The following CAMK4 variants were observed in gnomAD, a reference collection of about 807,000 sequenced individuals.
CAMK4 encodes calcium/calmodulin dependent protein kinase IV, also known as calcium/calmodulin-dependent protein kinase type IV.
CAMK4 carries 22 observed loss-of-function variants against 44.9 expected under a neutral mutation model. That is an observed-to-expected ratio of 0.49 (90% CI 0.35 to 0.70). The LOEUF is 0.70. Among genes scored for constraint, CAMK4 ranks in the 30% least tolerant of loss-of-function variants. The pLI is 0.01. For missense variants in CAMK4, 498 were observed against 586.8 expected (o/e 0.85, Z 1.56); for synonymous variants, 218 against 215.4 (o/e 1.01, Z -0.11).
At chr5:111,433,051 T>A (rs1049884503) in intron 5 of CAMK4, among the ~76,000 whole-genome samples, 19 of 152,180 alleles carry the variant, frequency 1.2e-4, no homozygotes, top group African/African-American at 4.3e-4. Context: ...TCATTTTGCT[T>A]ATGAGACTAG....
chr5:111,348,226 A>G lies in CAMK4; in HGVS notation c.240+4124A>G, dbSNP rs377474583. On this transcript the variant is annotated intron_variant, in intron 2 of 10. Transcript: ENST00000282356. ...TTAGTTTACACTAGCAATGAGACAT[A>G]TTTTTCCATAAAAAACCCTGAGCTT... Among the ~76,000 whole-genome samples the G allele has an allele frequency of 2.8e-4, 42 of 152,094 alleles. No individual in the cohort carries two copies. The South Asian group carries it at 5.6e-3, about 20-fold the overall frequency.
At chr5:111,266,015 T>C (rs1246287944) in intron 1 of CAMK4, 4 of 152,134 alleles carry the variant, frequency 2.6e-5, no homozygotes, top group African/African-American at 9.7e-5. Flanking sequence ...CGACCAACAT[T>C]AGCACAGCAT....
At chr5:111,477,439 C>G (rs1755285930) in intron 8 of CAMK4, among the ~76,000 whole-genome samples, 2 of 152,148 alleles carry the variant, frequency 1.3e-5, no homozygotes, top group African/African-American at 4.8e-5. Context: ...ATCCTCCCTC[C>G]CACCCTCATT....
chr5:111,425,597 A>G (rs1243970256), intron 5 of CAMK4, among the ~76,000 whole-genome samples: 1 of 152,226 alleles, frequency 6.6e-6, no homozygotes, highest in Non-Finnish European at 1.5e-5. Flanking sequence ...AAGTACCAGG[A>G]ATGATGAGAA....
intron 2 of CAMK4, among the ~76,000 whole-genome samples, chr5:111,351,792 C>T (rs1295806260): frequency 6.6e-6 from 1 of 152,000 alleles, no homozygotes. Context: ...GAGGTAGGTG[C>T]TATCATTATT....
chr5:111,250,684 T>C (rs941073028), intron 1 of CAMK4, among the ~76,000 whole-genome samples: 3 of 152,220 alleles, frequency 2.0e-5, no homozygotes, highest in Non-Finnish European at 4.4e-5. Flanking sequence ...TTACCATCTT[T>C]CTTCTTCCTC....
chr5:111,331,909 T>C (rs1329919850), intron 1 of CAMK4, among the ~76,000 whole-genome samples: 1 of 151,550 alleles, frequency 6.6e-6, no homozygotes, highest in Non-Finnish European at 1.5e-5. Context: ...ATGTTTTAAG[T>C]TCATTAGGGG....
At chr5:111,478,983 T>C (rs938518809) in intron 9 of CAMK4, among the ~76,000 whole-genome samples, 1 of 152,098 alleles carries the variant, frequency 6.6e-6, no homozygotes, top group African/African-American at 2.4e-5. Flanking sequence ...GCTTAAGCAA[T>C]CCTCCCACCT....
intron 4 of CAMK4, among the ~76,000 whole-genome samples, chr5:111,380,321 TTTTTG>T (rs1751366682): frequency 6.6e-6 from 1 of 152,118 alleles, no homozygotes; most frequent in Non-Finnish European, 1.5e-5. Context: ...TCTTTTTCTT[TTTTTG>T]TTTTATCACT....
At chr5:111,251,308 C>T (rs917552683) in intron 1 of CAMK4, among the ~76,000 whole-genome samples, 1 of 152,206 alleles carries the variant, frequency 6.6e-6, no homozygotes, top group Admixed American at 6.5e-5. Flanking sequence ...TTGACTAAGA[C>T]ACTTCATTTC....
At chr5:111,406,627 GC>G (rs1451559547) in intron 5 of CAMK4, among the ~76,000 whole-genome samples, 1 of 152,016 alleles carries the variant, frequency 6.6e-6, no homozygotes, top group Non-Finnish European at 1.5e-5. Context: ...ACCCACTAAA[GC>G]TTCTAGACCA....
intron 1 of CAMK4, among the ~76,000 whole-genome samples, chr5:111,309,732 C>G (rs1342235505): frequency 6.6e-6 from 1 of 152,116 alleles, no homozygotes; most frequent in Non-Finnish European, 1.5e-5. Flanking sequence ...TCTATTATCT[C>G]ACTAAAATGT....
At chr5:111,313,040 AC>A (rs1315726696) in intron 1 of CAMK4, among the ~76,000 whole-genome samples, 1 of 152,104 alleles carries the variant, frequency 6.6e-6, no homozygotes, top group Non-Finnish European at 1.5e-5. Context: ...TATTCTGGGT[AC>A]CCTGTGTTCC....
chr5:111,334,996 C>G (rs1358052720), intron 1 of CAMK4, among the ~76,000 whole-genome samples: 2 of 151,500 alleles, frequency 1.3e-5, no homozygotes, highest in East Asian at 3.9e-4. Context: ...CTAATAACCT[C>G]AGCAAAGACA....
intron 2 of CAMK4, among the ~76,000 whole-genome samples, chr5:111,346,846 A>AAAC (rs372511472): frequency 5.2e-4 from 61 of 116,860 alleles, no homozygotes; most frequent in Middle Eastern, 3.8e-3. Context: ...AACAAACAAA[A>AAAC]ACACTAACAC....
intron 3 of CAMK4, among the ~76,000 whole-genome samples, chr5:111,376,380 C>T (rs1751212961): frequency 6.6e-6 from 1 of 152,042 alleles, no homozygotes; most frequent in Admixed American, 6.6e-5. Context: ...AGCTTTTTAA[C>T]TATTGATTGA....
intron 5 of CAMK4, among the ~76,000 whole-genome samples, chr5:111,442,766 TATAA>T (rs1274112426): frequency 2.7e-5 from 4 of 148,368 alleles, no homozygotes; most frequent in African/African-American, 7.3e-5. Flanking sequence ...AATTTTAAAA[TATAA>T]ATATTATATA....
intron 1 of CAMK4, among the ~76,000 whole-genome samples, chr5:111,239,013 A>G (rs971475291): frequency 6.6e-6 from 1 of 151,346 alleles, no homozygotes; most frequent in African/African-American, 2.4e-5. Flanking sequence ...CTCCTGGTAC[A>G]TTATTTCCTC....
chr5:111,342,218 T>C (rs1749675614), intron 1 of CAMK4, among the ~76,000 whole-genome samples: 1 of 151,462 alleles, frequency 6.6e-6, no homozygotes. Context: ...AGACAGTGTA[T>C]TGAAGTTTCC....
Sources: gnomAD v4.1 joint callset for allele counts (sites outside exome capture counted in the v4.1 genomes callset) on GRCh38, gnomAD v4.1.1 for gene constraint, MANE v1.5 for transcripts, NCBI Gene and HGNC (gene_info 2026-07-23, HGNC 2026-07-21) for gene names.